PCNX3: variants seen among roughly 807,000 people sequenced by gnomAD.
PCNX3 encodes the protein pecanex-like protein 3.
A neutral mutation model predicts 207.2 loss-of-function variants in PCNX3; 58 were observed. The ratio of observed to expected loss-of-function variants is 0.28; its 90% CI spans 0.23 to 0.35. The LOEUF is 0.35. Among genes scored for constraint, PCNX3 ranks in the 10% least tolerant of loss-of-function variants. PCNX3 has a pLI of 1.00. For synonymous variants in PCNX3, 1,337 were observed against 1,183.5 expected (o/e 1.13, Z -2.66); for missense variants, 2,410 against 2,774.4 (o/e 0.87, Z 2.95).
intron 10 of PCNX3, among the ~76,000 whole-genome samples, chr11:65,621,672 C>T (rs1039821926): frequency 1.3e-5 from 2 of 152,192 alleles, no homozygotes; most frequent in African/African-American, 4.8e-5. Context: ...TCTGGCTCGC[C>T]ATTTTATCCT....
chr11:65,619,150 T>C (rs1854929951), intron 6 of PCNX3, 83 bp downstream of exon 6: 4 of 1,139,544 alleles, frequency 3.5e-6, no homozygotes, highest in Non-Finnish European at 5.0e-6. Flanking sequence ...AGAATGGACC[T>C]GGTCAGTGTC....
intron 11 of PCNX3, 71 bp from the exon 12 acceptor site, chr11:65,623,420 A>T: frequency 6.7e-7 from 1 of 1,493,790 alleles, no homozygotes; most frequent in South Asian, 1.4e-5. Context: ...TTAGGGCAAG[A>T]TCCATCTTCC....
intron 6 of PCNX3, 68 bp downstream of exon 6, chr11:65,619,135 A>T (rs754001792): frequency 9.3e-6 from 12 of 1,288,792 alleles, no homozygotes; most frequent in Non-Finnish European, 1.3e-5. Flanking sequence ...GGCAAAGGGC[A>T]GGTAAGAATG....
chr11:65,629,855 T>C (rs368050632), intron 26 of PCNX3, 120 bp downstream of exon 26: 3 of 1,101,848 alleles, frequency 2.7e-6, no homozygotes, highest in Non-Finnish European at 1.3e-6. Context: ...CGGGTGGCCT[T>C]GGGCAAGGCA....
intron 27 of PCNX3, 120 bp from the exon 28 acceptor site, chr11:65,634,006 G>A (rs747473387): frequency 7.3e-5 from 67 of 917,396 alleles, no homozygotes; most frequent in Non-Finnish European, 1.0e-4. Flanking sequence ...CTCTAGGAGC[G>A]GGGCATCCCA....
In PCNX3 at chr11:65,635,172, C is replaced by G; in HGVS notation, c.4954-46C>G. 6.2e-7 allele frequency: 1 copy of G among 1,604,104 alleles called. No individual in the cohort carries two copies. Among genetic ancestry groups the G allele is most frequent in the Non-Finnish European group, 8.5e-7 (1 of 1,174,326 alleles). ...TGGGCAGGTGGGGGATGAAGCCTCT[C>G]TCCAGGGCAGGGGCCACTGACCCCT... On this transcript the variant is annotated intron_variant, in intron 30 of 34. Transcript: ENST00000355703. This position sits in a 1 kb window ranked among gnomAD's most constrained non-coding sequence, Gnocchi z 9.9.
At position 65,636,585 on chromosome 11, in the gene PCNX3, G is replaced by C. The variant is rs2135491371; in HGVS notation, c.5788G>C (p.Glu1930Gln). ...CCCTGGCCCGGGTCTCCTCAGTTCT[G>C]AGGGCCCCAGTGGAAAGTGGAGCCT... ...RPPGPGLLSS[E>Q]GPSGKWSLGG... is the part of the protein sequence containing the mutation. The change falls in exon 34 of 35, where the codon GAG becomes CAG. Residue 1930 changes from glutamate (E) to glutamine (Q), a missense_variant. Transcript: ENST00000355703. The C allele has an allele frequency of 6.3e-7, 1 of 1,593,852 alleles. No individual in the cohort carries two copies. The highest frequency in any genetic ancestry group is 1.1e-5 in the South Asian group (1 of 88,816).
chr11:65,619,316 C>A, intron 6 of PCNX3: 1 of 531,948 alleles, frequency 1.9e-6, no homozygotes, highest in Non-Finnish European at 2.4e-6. Context: ...CATCCACACT[C>A]ATCCTCCCAC....
intron 11 of PCNX3, 98 bp downstream of exon 11, chr11:65,622,464 G>A: frequency 2.2e-6 from 3 of 1,392,352 alleles, no homozygotes; most frequent in Non-Finnish European, 2.9e-6. Context: ...GCAGCAGAGA[G>A]CCTGACTCGG....
intron 27 of PCNX3, among the ~76,000 whole-genome samples, chr11:65,631,042 C>T (rs929887616): frequency 6.6e-6 from 1 of 152,246 alleles, no homozygotes; most frequent in Non-Finnish European, 1.5e-5. Flanking sequence ...GAGTCCCCCA[C>T]CCTTTGAGAG....
At chr11:65,628,797 C>T (rs762988501) in intron 23 of PCNX3, 22 bp from the exon 24 acceptor site, 58 of 1,609,496 alleles carry the variant, frequency 3.6e-5, no homozygotes, top group Non-Finnish European at 4.0e-5. Context: ...TGTTGCCCGC[C>T]GCCTCCTTGA....
At chr11:65,617,160 T>C in intron 2 of PCNX3, 90 bp from the exon 3 acceptor site, 1 of 1,424,568 alleles carries the variant, frequency 7.0e-7, no homozygotes, top group Non-Finnish European at 9.6e-7. Flanking sequence ...GTAAAGTGAC[T>C]TCTGAAAAAG....
chr11:65,616,826 C>G lies in PCNX3; in HGVS notation c.156C>G (p.Val52=). ...LLIFPFLLYM[V]LPPSLMVAGV... Reference sequence around the variant, plus strand: ...ACCTGGCTTACTTTCATCTTCAGGTCCTGCCTCCCAGCTTGATGGTGGCCG... The same window carrying G: ...ACCTGGCTTACTTTCATCTTCAGGTGCTGCCTCCCAGCTTGATGGTGGCCG... Residue 52 remains valine (V), a splice_region_variant and synonymous_variant, in exon 2 of 35, where the codon GTC becomes GTG. Coordinates refer to ENST00000355703, the MANE Select transcript of PCNX3 (RefSeq NM_032223.4). 2 of 1,610,256 alleles carry G rather than the reference C, an allele frequency of 1.2e-6. No individual in the cohort carries two copies. The highest frequency in any genetic ancestry group is 1.7e-6 in the Non-Finnish European group (2 of 1,177,084).
Position 65,630,511 on chromosome 11 carries a change from C to T in PCNX3, c.4377C>T (p.Tyr1459=), listed in dbSNP as rs370180799. 64 of 1,613,486 alleles carry T rather than the reference C, an allele frequency of 4.0e-5. 1 individual carries two copies. Among genetic ancestry groups the T allele is most frequent in the South Asian group, 2.9e-4 (26 of 91,088 alleles). The change falls in exon 27 of 35, where the codon TAC becomes TAT. Residue 1459 remains tyrosine, a synonymous_variant. Transcript: ENST00000355703. ...WLAWEVTASK[Y]VLEGYSISDN... is the part of the protein sequence containing the mutation. ...CTTGGGAGGTAACAGCCAGCAAGTA[C>T]GTGCTGGAGGGCTATAGCATTAGTG...
chr11:65,634,634 T>G lies in PCNX3; in HGVS notation c.4798T>G (p.Ser1600Ala), dbSNP rs776035770. The G allele has an allele frequency of 1.9e-6, 3 of 1,595,470 alleles. No homozygotes were observed. Among genetic ancestry groups the G allele is most frequent in the Non-Finnish European group, 2.6e-6 (3 of 1,176,472 alleles). Residue 1600 changes from serine (S) to alanine (A), a missense_variant, in exon 29 of 35, where the codon TCT becomes GCT. By Grantham distance (99) the Ser-to-Ala change is moderately conservative. Transcript: ENST00000355703. ...CCTGGGGACAGCCTCTCACAGCATG[T>G]CTGCAAGGTGAGTGCTCGGGTGTCC... The part of the protein sequence containing the change: ...RALGTASHSM[S>A]ASLEPFLYGL...
rs760629693 is a variant in PCNX3 at position 65,618,227 on chromosome 11, G to A, written c.865G>A (p.Glu289Lys). ...YQPLDRRGSG[E>K]PTPQKAGSSD... is the part of the protein sequence containing the mutation. ...GCCCCTTGACCGGCGGGGCTCAGGG[G>A]AGCCCACGCCCCAGAAAGCCGGCTC... The change falls in exon 6 of 35, where the codon GAG becomes AAG. Residue 289 changes from glutamate to lysine, a missense_variant. By Grantham distance (56) the Glu-to-Lys change is moderately conservative. Transcript: ENST00000355703. 7.5e-6 allele frequency: 12 copies of A among 1,606,378 alleles called. No homozygotes were observed. Among genetic ancestry groups the A allele is most frequent in the Non-Finnish European group, 1.0e-5 (12 of 1,176,296 alleles).
rs1225545743 is a variant in PCNX3, at chr11:65,616,478, G to C, written c.153+14G>C. On this transcript the variant is annotated intron_variant, in intron 1 of 34. Transcript: ENST00000355703. The stretch of plus-strand genomic sequence containing the variant: ...TTACTGTACATGGTGAGACGCCACG[G>C]CCACCTGTAACTCCAGCCGGGAGAG... 6.3e-7 allele frequency: 1 copy of C among 1,596,560 alleles called. No homozygotes were observed. The highest frequency in any genetic ancestry group is 1.7e-5 in the Admixed American group (1 of 59,020).
Position 65,629,735 on chromosome 11 carries a change from G to T in PCNX3, c.4216G>T (p.Gly1406Cys). Residue 1406 changes from glycine (G) to cysteine (C), a missense_variant and splice_region_variant, in exon 26 of 35, where the codon GGC becomes TGC. This residue lies in a region of PCNX3 where 420 missense variants were observed against 705.3 expected (regional missense o/e 0.60). Transcript: ENST00000355703. ...CCAGCTGCGTGGCCTTGAGTTCCGGGGTGAGCCGCAGGACCAGGCTCGGGT... is the reference window on the plus strand; with the variant it reads ...CCAGCTGCGTGGCCTTGAGTTCCGGTGTGAGCCGCAGGACCAGGCTCGGGT... ...TFQLRGLEFR[G>C]TYCQQREVEA... The T allele has an allele frequency of 1.3e-6, 2 of 1,549,752 alleles. No homozygotes were observed.
rs1450820699 is a variant in PCNX3 at position 65,636,558 on chromosome 11, C to G, written c.5761C>G (p.Pro1921Ala). Residue 1921 changes from proline to alanine, a missense_variant, in exon 34 of 35, where the codon CCC (proline) becomes GCC (alanine). Pro to Ala is a conservative substitution (Grantham distance 27). This residue lies in a region of PCNX3 where 278 missense variants were observed against 245.1 expected (regional missense o/e 1.13). Coordinates refer to ENST00000355703, the MANE Select transcript of PCNX3 (RefSeq NM_032223.4). ...IPTEGPRTSR[P>A]PGPGLLSSEG... ...CACAGAGGGTCCCCGGACCTCACGG[C>G]CCCCTGGCCCGGGTCTCCTCAGTTC... 6.3e-7 allele frequency: 1 copy of G among 1,594,194 alleles called. No individual in the cohort carries two copies. Among genetic ancestry groups the G allele is most frequent in the South Asian group, 1.1e-5 (1 of 89,428 alleles).
Sources: gnomAD v4.1 joint callset for allele counts (sites outside exome capture counted in the v4.1 genomes callset) on GRCh38, gnomAD v4.1.1 for gene constraint, gnomAD v4.1.1 regional missense constraint, Gnocchi (gnomAD v3.1) non-coding constraint, MANE v1.5 for transcripts, NCBI Gene and HGNC (gene_info 2026-07-23, HGNC 2026-07-21) for gene names.